CCDC7: variants seen among roughly 807,000 people sequenced by gnomAD.
CCDC7 encodes the protein coiled-coil domain-containing protein 7.
CCDC7 carries 183 observed loss-of-function variants against 196.9 expected under a neutral mutation model. The observed-to-expected ratio is 0.93, with a 90% CI of 0.82 to 1.05. CCDC7 has a LOEUF of 1.05. CCDC7 is among the 50% of genes least tolerant of loss of function. CCDC7 has a pLI of 0.00. For missense variants in CCDC7, 1,540 were observed against 1,482.2 expected, an observed-to-expected ratio of 1.04 and a Z score of -0.64; for synonymous variants, 525 against 484.6, an observed-to-expected ratio of 1.08 and a Z score of -1.10.
At chr10:32,656,127 G>C (rs1329251921) in intron 20 of CCDC7, among the ~76,000 whole-genome samples, 1 of 152,084 alleles carries the variant, frequency 6.6e-6, no homozygotes, top group Admixed American at 6.6e-5. Context: ...ATGTCAGGGA[G>C]ATTTTTCCCT....
intron 27 of CCDC7, 43 bp from the exon 29 acceptor site, chr10:32,729,289 C>T: frequency 6.7e-7 from 1 of 1,494,682 alleles, no homozygotes; most frequent in Non-Finnish European, 9.0e-7. Flanking sequence ...GATTACTTGG[C>T]ATATCCAGAA....
intron 20 of CCDC7, among the ~76,000 whole-genome samples, chr10:32,640,287 A>C (rs1171553741): frequency 6.6e-6 from 1 of 152,100 alleles, no homozygotes; most frequent in Non-Finnish European, 1.5e-5. Flanking sequence ...TCCCTTTACC[A>C]TTATGTAATG....
chr10:32,522,177 A>G (rs1252157959), intron 11 of CCDC7, among the ~76,000 whole-genome samples: 1 of 152,172 alleles, frequency 6.6e-6, no homozygotes, highest in African/African-American at 2.4e-5. Context: ...ATATCAGGGT[A>G]ATGCTGGTCT....
chr10:32,728,142 G>A (rs1225881069), intron 26 of CCDC7, among the ~76,000 whole-genome samples: 1 of 152,118 alleles, frequency 6.6e-6, no homozygotes, highest in Admixed American at 6.6e-5. Context: ...ACACTCTGAA[G>A]GAGGGGTTCT....
intron 28 of CCDC7, among the ~76,000 whole-genome samples, chr10:32,759,441 A>T (rs557470812): frequency 6.6e-6 from 1 of 152,220 alleles, no homozygotes; most frequent in East Asian, 1.9e-4. Flanking sequence ...ATAATGCCAC[A>T]TATCTACAAC....
chr10:32,610,482 T>G (rs935881020), intron 18 of CCDC7, among the ~76,000 whole-genome samples: 30 of 152,290 alleles, frequency 2.0e-4, no homozygotes, highest in African/African-American at 7.2e-4. Context: ...GCAGGTTTGT[T>G]ACACAGGTAT....
intron 9 of CCDC7, among the ~76,000 whole-genome samples, chr10:32,517,031 T>A (rs1398856432): frequency 6.6e-6 from 1 of 152,188 alleles, no homozygotes; most frequent in Non-Finnish European, 1.5e-5. Flanking sequence ...GGTCTATCCA[T>A]ACTGTGGAAC....
chr10:32,647,008 T>C lies in CCDC7; in HGVS notation c.2014+11850T>C, dbSNP rs1337441340. ...TAGTTGGGCAACGAGATTGATTCCA[T>C]GTCTTGCTATTGTGAATAGTACAGT... On this transcript the variant is annotated intron_variant, in intron 20 of 41. Transcript: ENST00000639629. 2.0e-5 allele frequency among the ~76,000 whole-genome samples: 3 copies of C among 152,236 alleles called. No homozygotes were observed. The East Asian group carries it at 5.8e-4, about 29-fold the overall frequency.
At position 32,825,534 on chromosome 10, in the gene CCDC7, ATATATC is replaced by A. The variant is rs572873773; in HGVS notation, c.3268+944_3268+949del. On this transcript the variant is annotated intron_variant, in intron 32 of 41. Coordinates refer to ENST00000639629, the Ensembl canonical transcript of CCDC7. ...CCATCTATATCATCTGTATCTATCT[ATATATC>A]TATATCTATATCTTCTATTACTTCT... 2.3e-3 allele frequency among the ~76,000 whole-genome samples: 350 copies of A among 152,256 alleles called. 2 individuals carry two copies. The highest frequency in any genetic ancestry group is 7.7e-3 in the South Asian group (37 of 4,826).
chr10:32,507,814 C>T (rs192026590), intron 9 of CCDC7, among the ~76,000 whole-genome samples: 17 of 152,234 alleles, frequency 1.1e-4, no homozygotes, highest in South Asian at 4.2e-4. Flanking sequence ...AACAGCATTT[C>T]GCAGCATTCA....
intron 18 of CCDC7, among the ~76,000 whole-genome samples, chr10:32,626,126 G>A (rs2064010636): frequency 6.6e-6 from 1 of 152,008 alleles, no homozygotes; most frequent in South Asian, 2.1e-4. Context: ...TATTTTTAGT[G>A]TTTTGAGGAA....
intron 20 of CCDC7, among the ~76,000 whole-genome samples, chr10:32,642,775 G>T (rs531612022): frequency 1.3e-5 from 2 of 152,232 alleles, no homozygotes; most frequent in South Asian, 4.2e-4. Context: ...GACTGGAGCT[G>T]TTCCTGTTCA....
At position 32,837,841 on chromosome 10, in the gene CCDC7, C is replaced by T. The variant is rs190555968; in HGVS notation, c.3352+2943C>T. Among the ~76,000 whole-genome samples, 662 of 150,104 alleles carry T rather than the reference C, an allele frequency of 4.4e-3. 5 individuals are homozygous for T. The highest frequency in any genetic ancestry group is 0.015 in the African/African-American group (621 of 40,902). On this transcript the variant is annotated intron_variant, in intron 33 of 41. Coordinates refer to ENST00000639629, the Ensembl canonical transcript of CCDC7. ...ATCACAAGGACAAAGTACCAAACACCGCATGTTCTCACTCATAGGTGGGAA... is the reference window on the plus strand; with the variant it reads ...ATCACAAGGACAAAGTACCAAACACTGCATGTTCTCACTCATAGGTGGGAA...
chr10:32,757,329 C>T (rs2484727), intron 28 of CCDC7, among the ~76,000 whole-genome samples: 52,116 of 152,016 alleles, frequency 0.34, 11,317 homozygotes, highest in Non-Finnish European at 0.49. Flanking sequence ...ACACTTATTC[C>T]AAAACTAACC....
At chr10:32,812,981 C>G (rs1392595698) in intron 30 of CCDC7, among the ~76,000 whole-genome samples, 1 of 152,078 alleles carries the variant, frequency 6.6e-6, no homozygotes, top group East Asian at 1.9e-4. Context: ...TCACTTTTTA[C>G]TTTGGTAGTG....
intron 20 of CCDC7, among the ~76,000 whole-genome samples, chr10:32,655,220 G>A (rs1311498365): frequency 6.6e-6 from 1 of 152,116 alleles, no homozygotes; most frequent in Non-Finnish European, 1.5e-5. Flanking sequence ...GGTTGACTGG[G>A]TTACCAAGGA....
chr10:32,794,674 AG>A (rs2083260702), intron 29 of CCDC7, among the ~76,000 whole-genome samples: 1 of 152,074 alleles, frequency 6.6e-6, no homozygotes, highest in South Asian at 2.1e-4. Flanking sequence ...CTCTAATATT[AG>A]TGATAATGAG....
intron 32 of CCDC7, among the ~76,000 whole-genome samples, chr10:32,827,669 A>G (rs997211996): frequency 6.6e-6 from 1 of 152,166 alleles, no homozygotes; most frequent in South Asian, 2.1e-4. Context: ...GGGGAGGTAT[A>G]GCGTTGGGAG....
chr10:32,454,788 T>C (rs1313878092), intron 2 of CCDC7, among the ~76,000 whole-genome samples: 1 of 152,194 alleles, frequency 6.6e-6, no homozygotes, highest in Non-Finnish European at 1.5e-5. Flanking sequence ...TGTTTCATAA[T>C]TTGAATTTCA....
Sources: gnomAD v4.1 joint callset for allele counts (sites outside exome capture counted in the v4.1 genomes callset) on GRCh38, gnomAD v4.1.1 for gene constraint, MANE v1.5 for transcripts, NCBI Gene and HGNC (gene_info 2026-07-23, HGNC 2026-07-21) for gene names.